ADGRL2: variants seen among roughly 807,000 people sequenced by gnomAD.
The protein encoded by ADGRL2 is adhesion G protein-coupled receptor L2.
Under a neutral mutation model 157.4 loss-of-function variants are expected in ADGRL2, and 44 were observed. That is an observed-to-expected ratio of 0.28 (90% CI 0.22 to 0.36). The LOEUF (loss-of-function observed/expected upper bound fraction) is 0.36, where lower values mean the gene tolerates loss of function less well. Ranked by LOEUF, ADGRL2 falls within the 10% of genes least tolerant of loss-of-function variation. ADGRL2 has a pLI of 1.00. For missense variants in ADGRL2, 1,510 were observed against 1,768.9 expected, an observed-to-expected ratio of 0.85 and a Z score of 2.63; for synonymous variants, 585 against 624.7, an observed-to-expected ratio of 0.94 and a Z score of 0.95.
chr1:81,462,050 T>C (rs1405953103), intron 2 of ADGRL2, among the ~76,000 whole-genome samples: 1 of 152,000 alleles, frequency 6.6e-6, no homozygotes, highest in East Asian at 1.9e-4. Flanking sequence ...TCTGTCTAGC[T>C]AGAGGATTGT....
intron 2 of ADGRL2, among the ~76,000 whole-genome samples, chr1:81,903,264 C>T (rs1334975146): frequency 6.6e-6 from 1 of 152,136 alleles, no homozygotes; most frequent in Non-Finnish European, 1.5e-5. Flanking sequence ...GTTTACATTT[C>T]TACAAATATG....
intron 2 of ADGRL2, among the ~76,000 whole-genome samples, chr1:81,897,975 G>T (rs1275495453): frequency 6.6e-6 from 1 of 152,102 alleles, no homozygotes; most frequent in African/African-American, 2.4e-5. Context: ...GCATGAGCCT[G>T]CAGTCCTAAC....
At chr1:81,482,446 A>G (rs1420602881) in intron 2 of ADGRL2, among the ~76,000 whole-genome samples, 2 of 143,624 alleles carry the variant, frequency 1.4e-5, no homozygotes, top group South Asian at 2.3e-4. Flanking sequence ...CATATAATTT[A>G]TTATTTTAAA....
At chr1:81,352,184 G>A (rs1197548009) in intron 1 of ADGRL2, among the ~76,000 whole-genome samples, 3 of 152,184 alleles carry the variant, frequency 2.0e-5, no homozygotes, top group East Asian at 1.9e-4. Context: ...TCTTGAGCCC[G>A]GATGCCCAAG....
At chr1:81,770,197 C>A (rs900641155) in intron 2 of ADGRL2, among the ~76,000 whole-genome samples, 1 of 119,480 alleles carries the variant, frequency 8.4e-6, no homozygotes, top group Non-Finnish European at 1.6e-5. Flanking sequence ...GAGTCTCACT[C>A]TATAGCCCAG....
chr1:81,497,223 G>T (rs2078749531), intron 2 of ADGRL2, among the ~76,000 whole-genome samples: 1 of 152,050 alleles, frequency 6.6e-6, no homozygotes, highest in Non-Finnish European at 1.5e-5. Flanking sequence ...TAGGTAGCTG[G>T]GTTCACCTGT....
chr1:81,947,336 A>G (rs932258929), intron 6 of ADGRL2, among the ~76,000 whole-genome samples: 1 of 152,208 alleles, frequency 6.6e-6, no homozygotes, highest in Non-Finnish European at 1.5e-5. Context: ...TTTACACAGA[A>G]CACCATGTCA....
intron 2 of ADGRL2, among the ~76,000 whole-genome samples, chr1:81,841,307 T>G (rs527401626): frequency 1.7e-4 from 26 of 152,274 alleles, no homozygotes; most frequent in African/African-American, 5.8e-4. Flanking sequence ...TAGAAATAGT[T>G]TCTTGCCAGT....
chr1:81,315,554 T>G (rs1327762190), intron 1 of ADGRL2, among the ~76,000 whole-genome samples: 1 of 152,182 alleles, frequency 6.6e-6, no homozygotes, highest in East Asian at 1.9e-4. Context: ...CCCTCAGGGC[T>G]TATGGTTACT....
intron 2 of ADGRL2, chr1:81,505,150 G>T: frequency 2.1e-6 from 1 of 477,568 alleles, no homozygotes; most frequent in East Asian, 4.0e-5. Flanking sequence ...CTGCAGCTCT[G>T]CTCAACTGCG....
chr1:81,341,832 G>A (rs556906458), intron 1 of ADGRL2, among the ~76,000 whole-genome samples: 6 of 152,234 alleles, frequency 3.9e-5, no homozygotes, highest in African/African-American at 1.4e-4. Flanking sequence ...GTAAATGCTA[G>A]TAACTGCATT....
intron 2 of ADGRL2, among the ~76,000 whole-genome samples, chr1:81,478,141 A>G (rs1029207825): frequency 6.6e-6 from 1 of 152,160 alleles, no homozygotes; most frequent in South Asian, 2.1e-4. Flanking sequence ...GCATCCTGCG[A>G]TAATTATTCC....
chr1:81,884,014 A>G lies in ADGRL2; in HGVS notation c.74-23003A>G, dbSNP rs1353958313. Among the ~76,000 whole-genome samples the G allele has an allele frequency of 3.4e-5, 5 of 149,242 alleles. No homozygotes were observed. The East Asian group carries it at 9.8e-4, about 29-fold the overall frequency. Reference sequence around the variant, plus strand: ...ATTGTCTTTTTTTTTTTTTTAGGATACATGTCTTACTTTGTCACCCAGTCT... The same window carrying G: ...ATTGTCTTTTTTTTTTTTTTAGGATGCATGTCTTACTTTGTCACCCAGTCT... On this transcript the variant is annotated intron_variant, in intron 2 of 23. Transcript: ENST00000686636.
chr1:81,842,239 G>T (rs2092612599), intron 2 of ADGRL2, among the ~76,000 whole-genome samples: 1 of 150,498 alleles, frequency 6.6e-6, no homozygotes, highest in Non-Finnish European at 1.5e-5. Context: ...TTAGTATCCA[G>T]TTGTTTCTTG....
intron 2 of ADGRL2, among the ~76,000 whole-genome samples, chr1:81,789,230 G>A (rs1010262789): frequency 9.2e-5 from 14 of 152,100 alleles, no homozygotes; most frequent in African/African-American, 2.7e-4. Context: ...GAGATTCTAA[G>A]GAGCTTACAG....
chr1:81,945,152 A>T (rs1649385991), intron 6 of ADGRL2, among the ~76,000 whole-genome samples: 1 of 152,168 alleles, frequency 6.6e-6, no homozygotes, highest in East Asian at 1.9e-4. Context: ...TCATTTATTT[A>T]AAAATGTATA....
At position 81,650,393 on chromosome 1, in the gene ADGRL2, A is replaced by AG. The variant is rs111627419; in HGVS notation, c.-143+69413_-143+69414insG. Among the ~76,000 whole-genome samples, 1,084 of 151,474 alleles carry AG rather than the reference A, an allele frequency of 7.2e-3. 11 individuals are homozygous for AG. Among genetic ancestry groups the AG allele is most frequent in the African/African-American group, 0.024 (989 of 41,328 alleles). ...GAGACCATCCTGGCCAACATGGTAA[A>AG]AAAAACCCCATCTCTACTAAAAAAA... On this transcript the variant is annotated intron_variant, in intron 3 of 24. Transcript: ENST00000370721.
At chr1:81,770,598 C>T (rs529746196) in intron 2 of ADGRL2, among the ~76,000 whole-genome samples, 4 of 152,188 alleles carry the variant, frequency 2.6e-5, no homozygotes, top group South Asian at 2.1e-4. Flanking sequence ...CTCAGGCTCC[C>T]GAGTAGCTGG....
At chr1:81,441,275 TA>T (rs1307445454) in intron 1 of ADGRL2, among the ~76,000 whole-genome samples, 1 of 152,226 alleles carries the variant, frequency 6.6e-6, no homozygotes, top group Non-Finnish European at 1.5e-5. Flanking sequence ...AATTATTTGT[TA>T]GGTTAATTAT....
Sources: gnomAD v4.1 joint callset for allele counts (sites outside exome capture counted in the v4.1 genomes callset) on GRCh38, gnomAD v4.1.1 for gene constraint, MANE v1.5 for transcripts, NCBI Gene and HGNC (gene_info 2026-07-23, HGNC 2026-07-21) for gene names.